The following MACROD2 variants were observed in gnomAD, a reference collection of about 807,000 sequenced individuals.
The protein encoded by MACROD2 is ADP-ribose glycohydrolase MACROD2.
Under a neutral mutation model 70.4 loss-of-function variants are expected in MACROD2, and 36 were observed. The ratio of observed to expected loss-of-function variants is 0.51; its 90% CI spans 0.39 to 0.68. The LOEUF is 0.68. Ranked by LOEUF, MACROD2 falls within the 30% of genes least tolerant of loss-of-function variation. MACROD2 has a pLI of 0.00. For missense variants in MACROD2, 496 were observed against 538.4 expected (o/e 0.92, Z 0.78); for synonymous variants, 172 against 178.8 (o/e 0.96, Z 0.30).
At chr20:14,503,667 A>G (rs544280520) in intron 4 of MACROD2, among the ~76,000 whole-genome samples, 1 of 152,346 alleles carries the variant, frequency 6.6e-6, no homozygotes, top group South Asian at 2.1e-4. Context: ...TTTCTGACCA[A>G]CAAAAAGCTC....
Position 15,902,748 on chromosome 20 carries a change from G to A in MACROD2, c.775+16937G>A, listed in dbSNP as rs2065084469. On this transcript the variant is annotated intron_variant, in intron 10 of 17. Transcript: ENST00000684519. ...CAGCCGGCGCCAAGATATAAGTCATGTGAGTGAACCGTCTTGGAGTCAGAT... is the reference window on the plus strand; with the variant it reads ...CAGCCGGCGCCAAGATATAAGTCATATGAGTGAACCGTCTTGGAGTCAGAT... 2.6e-5 allele frequency among the ~76,000 whole-genome samples: 4 copies of A among 152,142 alleles called. No individual in the cohort carries two copies. In the South Asian group the frequency reaches 8.3e-4, roughly 32 times the overall value.
intron 7 of MACROD2, among the ~76,000 whole-genome samples, chr20:15,476,209 CT>C (rs1249587998): frequency 5.3e-5 from 8 of 152,098 alleles, no homozygotes; most frequent in Non-Finnish European, 8.8e-5. Flanking sequence ...TTTTGTATAC[CT>C]TTAGAATACA....
At chr20:14,586,942 A>AT (rs938766435) in intron 4 of MACROD2, among the ~76,000 whole-genome samples, 6 of 151,654 alleles carry the variant, frequency 4.0e-5, no homozygotes, top group East Asian at 3.9e-4. Context: ...GACATAATAT[A>AT]TTTTTTTTCA....
intron 3 of MACROD2, among the ~76,000 whole-genome samples, chr20:14,267,440 G>A (rs73901225): frequency 0.017 from 2,604 of 152,172 alleles, 74 homozygotes; most frequent in African/African-American, 0.057. Context: ...ACAATTATTA[G>A]AGAGTTACTT....
chr20:14,128,782 C>T (rs1442910151), intron 3 of MACROD2, among the ~76,000 whole-genome samples: 1 of 152,104 alleles, frequency 6.6e-6, no homozygotes, highest in African/African-American at 2.4e-5. Context: ...AATCCTAGGG[C>T]CCTTAATATT....
intron 4 of MACROD2, among the ~76,000 whole-genome samples, chr20:14,560,125 G>C (rs1312477680): frequency 6.6e-6 from 1 of 151,734 alleles, no homozygotes; most frequent in Non-Finnish European, 1.5e-5. Flanking sequence ...CAAAAGAGGG[G>C]ACAAGAACTT....
At chr20:14,647,277 A>C (rs1985445727) in intron 4 of MACROD2, among the ~76,000 whole-genome samples, 1 of 152,118 alleles carries the variant, frequency 6.6e-6, no homozygotes, top group Non-Finnish European at 1.5e-5. Flanking sequence ...AAGGATTTAG[A>C]CGAAGCTACC....
intron 5 of MACROD2, among the ~76,000 whole-genome samples, chr20:14,775,867 T>TG (rs1307512783): frequency 1.3e-5 from 2 of 151,656 alleles, no homozygotes; most frequent in Middle Eastern, 3.2e-3. Context: ...CTGGGAACTG[T>TG]GAAAAAAAAA....
chr20:14,849,413 G>A (rs749933743), intron 5 of MACROD2, among the ~76,000 whole-genome samples: 6 of 152,156 alleles, frequency 3.9e-5, no homozygotes, highest in Non-Finnish European at 5.9e-5. Context: ...CTCTAACTTC[G>A]GTGTGCTGGG....
intron 3 of MACROD2, among the ~76,000 whole-genome samples, chr20:14,136,210 C>T (rs551317835): frequency 1.3e-5 from 2 of 151,552 alleles, no homozygotes; most frequent in East Asian, 3.9e-4. Context: ...TTTCCATTTC[C>T]AAGTGTTATT....
intron 3 of MACROD2, chr20:14,327,474 G>T: frequency 6.2e-7 from 1 of 1,613,114 alleles, no homozygotes; most frequent in Non-Finnish European, 8.5e-7. Flanking sequence ...TTTTAGTCCC[G>T]ATGAGGAAGA....
intron 3 of MACROD2, among the ~76,000 whole-genome samples, chr20:14,431,208 G>A (rs1383065815): frequency 1.3e-5 from 2 of 152,202 alleles, no homozygotes; most frequent in South Asian, 2.1e-4. Context: ...TAACATTTGA[G>A]TGATAATTAT....
chr20:16,034,387 A>G (rs774536747), intron 15 of MACROD2, among the ~76,000 whole-genome samples: 3 of 152,048 alleles, frequency 2.0e-5, no homozygotes, highest in Non-Finnish European at 2.9e-5. Context: ...CATGCATTCT[A>G]GACCTAGACA....
intron 7 of MACROD2, among the ~76,000 whole-genome samples, chr20:15,441,844 T>C (rs2046498436): frequency 6.6e-6 from 1 of 152,128 alleles, no homozygotes; most frequent in African/African-American, 2.4e-5. Flanking sequence ...AGACGAAACA[T>C]TGAAACAGTA....
At chr20:14,859,760 C>T (rs995478152) in intron 5 of MACROD2, among the ~76,000 whole-genome samples, 1 of 152,044 alleles carries the variant, frequency 6.6e-6, no homozygotes, top group African/African-American at 2.4e-5. Flanking sequence ...TACTAGTTAG[C>T]TCTGTAAATA....
chr20:14,714,271 G>T (rs1272960817), intron 5 of MACROD2, among the ~76,000 whole-genome samples: 1 of 151,970 alleles, frequency 6.6e-6, no homozygotes, highest in East Asian at 1.9e-4. Flanking sequence ...CAACACATAT[G>T]TCCATCCTGC....
At chr20:14,453,755 A>G (rs957547269) in intron 3 of MACROD2, among the ~76,000 whole-genome samples, 1 of 152,096 alleles carries the variant, frequency 6.6e-6, no homozygotes, top group Non-Finnish European at 1.5e-5. Context: ...TGCCACTCTT[A>G]ACAGTTTTTT....
intron 3 of MACROD2, among the ~76,000 whole-genome samples, chr20:14,368,199 C>A (rs1274992231): frequency 6.6e-6 from 1 of 152,076 alleles, no homozygotes; most frequent in Admixed American, 6.5e-5. Context: ...TTGTTAATTT[C>A]TTCTTTTGAT....
chr20:14,283,651 G>A (rs901254716), intron 3 of MACROD2, among the ~76,000 whole-genome samples: 3 of 152,012 alleles, frequency 2.0e-5, no homozygotes, highest in Admixed American at 1.3e-4. Context: ...AGACAAAAGG[G>A]AGAGCACACA....
Sources: allele counts gnomAD v4.1 joint callset (sites outside exome capture counted in the v4.1 genomes callset), GRCh38; gene constraint gnomAD v4.1.1; transcripts MANE v1.5; gene names NCBI Gene and HGNC (gene_info 2026-07-23, HGNC 2026-07-21).